The following CADPS variants were observed in gnomAD, a reference collection of about 807,000 sequenced individuals.
CADPS encodes calcium dependent secretion activator, also known as calcium-dependent secretion activator 1.
CADPS carries 57 observed loss-of-function variants against 167.3 expected under a neutral mutation model. The ratio of observed to expected loss-of-function variants is 0.34; its 90% confidence interval spans 0.28 to 0.42. The LOEUF is 0.42. Ranked by LOEUF, CADPS falls within the 20% of genes least tolerant of loss-of-function variation. The pLI is 1.00. For missense variants in CADPS, 1,414 were observed against 1,738.1 expected, an observed-to-expected ratio of 0.81 and a Z score of 3.32; for synonymous variants, 676 against 635.3, an observed-to-expected ratio of 1.06 and a Z score of -0.96.
intron 1 of CADPS, among the ~76,000 whole-genome samples, chr3:62,829,058 A>G (rs184915905): frequency 6.6e-5 from 10 of 152,278 alleles, no homozygotes; most frequent in Non-Finnish European, 1.0e-4. Flanking sequence ...CAGGATTAAT[A>G]AAAATGGTGG....
At chr3:62,823,304 C>G (rs528757712) in intron 1 of CADPS, among the ~76,000 whole-genome samples, 28 of 152,092 alleles carry the variant, frequency 1.8e-4, no homozygotes, top group Non-Finnish European at 3.7e-4. Flanking sequence ...TACAAAATCC[C>G]AAACCTGCTG....
intron 3 of CADPS, among the ~76,000 whole-genome samples, chr3:62,729,944 A>C (rs1277643729): frequency 6.7e-6 from 1 of 148,794 alleles, no homozygotes; most frequent in Non-Finnish European, 1.5e-5. Context: ...TTGTGAGAGC[A>C]AGTGATACCA....
intron 13 of CADPS, among the ~76,000 whole-genome samples, chr3:62,523,629 T>C (rs2071292972): frequency 6.6e-6 from 1 of 152,220 alleles, no homozygotes; most frequent in Non-Finnish European, 1.5e-5. Context: ...CTATATGTTC[T>C]GATATTGCAT....
intron 3 of CADPS, among the ~76,000 whole-genome samples, chr3:62,725,877 A>T (rs79904560): frequency 0.08 from 12,134 of 151,860 alleles, 583 homozygotes; most frequent in Middle Eastern, 0.14. Flanking sequence ...AGCAGGCATT[A>T]TCACCACTCT....
chr3:62,599,014 C>A (rs1316347324), intron 6 of CADPS, among the ~76,000 whole-genome samples: 1 of 152,126 alleles, frequency 6.6e-6, no homozygotes, highest in South Asian at 2.1e-4. Context: ...GGGCCACACA[C>A]CCAAAAATGA....
At chr3:62,594,629 C>T (rs1250576417) in intron 6 of CADPS, among the ~76,000 whole-genome samples, 1 of 152,162 alleles carries the variant, frequency 6.6e-6, no homozygotes, top group African/African-American at 2.4e-5. Context: ...AACTCCCGGG[C>T]TCAAGCAATC....
chr3:62,522,095 C>CTCTATCTA (rs3074258), intron 13 of CADPS, among the ~76,000 whole-genome samples: 3,297 of 144,042 alleles, frequency 0.023, 54 homozygotes, highest in East Asian at 0.034. Flanking sequence ...ATCCTCAAAG[C>CTCTATCTA]TCTATCTATC....
intron 4 of CADPS, among the ~76,000 whole-genome samples, chr3:62,652,029 G>A (rs1346043590): frequency 6.6e-6 from 1 of 152,156 alleles, no homozygotes; most frequent in Non-Finnish European, 1.5e-5. Flanking sequence ...CCACAACTGA[G>A]ATTTTTGTTA....
intron 1 of CADPS, among the ~76,000 whole-genome samples, chr3:62,854,173 C>T (rs1442915818): frequency 1.3e-5 from 2 of 152,118 alleles, no homozygotes; most frequent in African/African-American, 2.4e-5. Context: ...GCCATCAACT[C>T]CAACTCACAA....
chr3:62,732,879 T>TA (rs2078199920), intron 3 of CADPS, among the ~76,000 whole-genome samples: 1 of 152,092 alleles, frequency 6.6e-6, no homozygotes, highest in Non-Finnish European at 1.5e-5. Context: ...TCAGAGAGGG[T>TA]AAGAAGTTGC....
chr3:62,577,799 G>T (rs1207248584), intron 8 of CADPS, among the ~76,000 whole-genome samples: 1 of 152,202 alleles, frequency 6.6e-6, no homozygotes, highest in Non-Finnish European at 1.5e-5. Flanking sequence ...CCTACAGCTA[G>T]TAAGTGGTTG....
intron 21 of CADPS, among the ~76,000 whole-genome samples, chr3:62,485,398 C>T (rs371790462): frequency 3.3e-5 from 5 of 152,188 alleles, no homozygotes; most frequent in African/African-American, 1.2e-4. Context: ...GCATCCCTAC[C>T]CCTTTTGAAA....
At chr3:62,516,258 G>C (rs1472646516) in intron 15 of CADPS, 76 bp from the exon 16 acceptor site, 2 of 1,551,526 alleles carry the variant, frequency 1.3e-6, no homozygotes, top group East Asian at 4.5e-5. Flanking sequence ...TTAGAAGCGT[G>C]AAAGTTTAAA....
intron 1 of CADPS, among the ~76,000 whole-genome samples, chr3:62,824,127 A>T (rs992147552): frequency 1.3e-5 from 2 of 151,336 alleles, no homozygotes; most frequent in Non-Finnish European, 2.9e-5. Context: ...CTTCTGAAAT[A>T]CTTCTCAGCT....
rs1008292101 is a variant in CADPS, at chr3:62,568,387, C to T, written c.1644+2485G>A. 3.3e-5 allele frequency among the ~76,000 whole-genome samples: 5 copies of T among 152,212 alleles called. No homozygotes were observed. In the South Asian group the frequency reaches 6.2e-4, roughly 19 times the overall value. ...CAATCAGCTGCCAGTGCAGCTAGAA[C>T]GAAGCAGGTGGAAGGAGGTGGGATA... On this transcript the variant is annotated intron_variant, in intron 9 of 29. Transcript: ENST00000383710.
chr3:62,695,348 T>G (rs1419291507), intron 3 of CADPS, among the ~76,000 whole-genome samples: 1 of 152,082 alleles, frequency 6.6e-6, no homozygotes, highest in Non-Finnish European at 1.5e-5. Context: ...TTTGACATAT[T>G]TTGAGATCGC....
chr3:62,729,887 ACT>A, intron 3 of CADPS, among the ~76,000 whole-genome samples: 1 of 151,816 alleles, frequency 6.6e-6, no homozygotes, highest in Admixed American at 6.5e-5. Flanking sequence ...GTAAGGCTAT[ACT>A]CTCAGCTCTC....
At chr3:62,732,944 G>T (rs557444273) in intron 3 of CADPS, among the ~76,000 whole-genome samples, 3 of 152,218 alleles carry the variant, frequency 2.0e-5, no homozygotes, top group Admixed American at 2.0e-4. Flanking sequence ...GTGATGGAGG[G>T]TGTGTGTCTA....
chr3:62,657,353 A>G (rs1229877094), intron 4 of CADPS, among the ~76,000 whole-genome samples: 1 of 152,170 alleles, frequency 6.6e-6, no homozygotes, highest in African/African-American at 2.4e-5. Context: ...GACACTACAA[A>G]AGCTGTATGA....
Sources: gnomAD v4.1 joint callset for allele counts (sites outside exome capture counted in the v4.1 genomes callset) on GRCh38, gnomAD v4.1.1 for gene constraint, MANE v1.5 for transcripts, NCBI Gene and HGNC (gene_info 2026-07-23, HGNC 2026-07-21) for gene names.